The following L3MBTL4 variants were observed in gnomAD, a reference collection of about 807,000 sequenced individuals.
L3MBTL4 encodes the protein L3MBTL histone methyl-lysine binding protein 4, also known as lethal(3)malignant brain tumor-like protein 4.
A neutral mutation model predicts 84.5 loss-of-function variants in L3MBTL4; 70 were observed. That is an observed-to-expected ratio of 0.83 (90% CI 0.68 to 1.01). The LOEUF (loss-of-function observed/expected upper bound fraction) is 1.01, where lower values mean the gene tolerates loss of function less well. L3MBTL4 is among the 50% of genes least tolerant of loss of function. L3MBTL4 has a pLI of 0.00. For synonymous variants in L3MBTL4, 274 were observed against 259.8 expected, an observed-to-expected ratio of 1.05 and a Z score of -0.52; for missense variants, 715 against 754.8, an observed-to-expected ratio of 0.95 and a Z score of 0.62.
chr18:6,186,585 G>A (rs1455156915), intron 12 of L3MBTL4, among the ~76,000 whole-genome samples: 1 of 152,200 alleles, frequency 6.6e-6, no homozygotes, highest in African/African-American at 2.4e-5. Flanking sequence ...AAGCAGGAGG[G>A]AGGAGAACCG....
At chr18:5,963,654 T>A (rs1422607668) in intron 17 of L3MBTL4, among the ~76,000 whole-genome samples, 3 of 152,264 alleles carry the variant, frequency 2.0e-5, no homozygotes, top group African/African-American at 4.8e-5. Flanking sequence ...CCAAGAATTT[T>A]AAAATATGCA....
intron 18 of L3MBTL4, 61 bp from the exon 19 acceptor site, chr18:5,956,448 C>G: frequency 6.6e-7 from 1 of 1,523,018 alleles, no homozygotes; most frequent in African/African-American, 1.4e-5. Context: ...GTTTACTCAC[C>G]AGTAACACTT....
intron 1 of L3MBTL4, among the ~76,000 whole-genome samples, chr18:6,343,035 A>T (rs2052687388): frequency 6.6e-6 from 1 of 152,232 alleles, no homozygotes; most frequent in Non-Finnish European, 1.5e-5. Context: ...CATCAAGAGG[A>T]TATAACAATT....
chr18:6,106,179 C>T (rs948850922), intron 14 of L3MBTL4, among the ~76,000 whole-genome samples: 1 of 152,158 alleles, frequency 6.6e-6, no homozygotes, highest in Non-Finnish European at 1.5e-5. Context: ...CAGCTTGATG[C>T]CAGGGTCTAG....
chr18:6,256,570 G>A (rs1698119355), intron 5 of L3MBTL4, among the ~76,000 whole-genome samples: 1 of 151,458 alleles, frequency 6.6e-6, no homozygotes, highest in South Asian at 2.1e-4. Context: ...TAGCTATGAA[G>A]AGGGGAAGGA....
intron 5 of L3MBTL4, among the ~76,000 whole-genome samples, chr18:6,245,035 G>A (rs896942043): frequency 2.6e-5 from 4 of 151,896 alleles, no homozygotes; most frequent in Admixed American, 6.6e-5. Context: ...TCAGCCTCCC[G>A]AATAGCTAGG....
At position 6,414,887 on chromosome 18, in the gene L3MBTL4, G is replaced by T. The variant is rs1267003456; in HGVS notation, c.-177C>A. On this transcript the variant is annotated 5_prime_UTR_variant, in exon 1 of 19. Coordinates refer to ENST00000317931, the MANE Select transcript of L3MBTL4 (RefSeq NM_001330559.2). This position sits in a 1 kb window ranked among gnomAD's most constrained non-coding sequence, Gnocchi z 5.4. The stretch of plus-strand genomic sequence containing the variant: ...GCGCGAGGTTCCGCCAGCCCAGGCT[G>T]CGGCGCCGCTGCCCCGCGGTGCCCG... 1 of 149,516 alleles carries T rather than the reference G, an allele frequency of 6.7e-6. No individual in the cohort carries two copies. Among genetic ancestry groups the T allele is most frequent in the East Asian group, 2.0e-4 (1 of 5,092 alleles). 9.3% of individuals were successfully genotyped at this position (149,516 alleles called of 1,614,324 possible).
rs562264059 is a variant in L3MBTL4 at position 6,168,714 on chromosome 18, C to T, written c.1096+3114G>A. ...AAGACTTACATGTTAGACCTAAAAC[C>T]ATAAAAACCCTAGAAGAAAACCTAG... is the stretch of plus-strand genomic sequence containing the variant. On this transcript the variant is annotated intron_variant, in intron 13 of 18. Transcript: ENST00000317931. 2.0e-5 allele frequency among the ~76,000 whole-genome samples: 3 copies of T among 152,066 alleles called. No homozygotes were observed. In the East Asian group the frequency reaches 5.8e-4, roughly 29 times the overall value.
intron 1 of L3MBTL4, among the ~76,000 whole-genome samples, chr18:6,392,087 C>T (rs2055078779): frequency 6.6e-6 from 1 of 152,088 alleles, no homozygotes; most frequent in African/African-American, 2.4e-5. Context: ...CATCACATTA[C>T]CAGACTTCAA....
chr18:6,364,274 A>G (rs1196994342), intron 1 of L3MBTL4, among the ~76,000 whole-genome samples: 3 of 152,124 alleles, frequency 2.0e-5, no homozygotes, highest in African/African-American at 7.2e-5. Flanking sequence ...TTAAAATATT[A>G]TTTATGTTAA....
intron 16 of L3MBTL4, among the ~76,000 whole-genome samples, chr18:6,068,093 G>A (rs1274973166): frequency 6.6e-6 from 1 of 152,086 alleles, no homozygotes; most frequent in African/African-American, 2.4e-5. Context: ...GAGTTTTTGT[G>A]CGCTGGCTTT....
chr18:6,410,936 G>A (rs780133274), intron 1 of L3MBTL4, among the ~76,000 whole-genome samples: 17 of 152,136 alleles, frequency 1.1e-4, no homozygotes, highest in African/African-American at 3.6e-4. Context: ...CCTCCATTAC[G>A]GCGACATCAT....
intron 4 of L3MBTL4, 113 bp downstream of exon 4, chr18:6,301,790 T>C: frequency 1.2e-6 from 1 of 816,224 alleles, no homozygotes; most frequent in Non-Finnish European, 2.2e-6. Context: ...AAATGGTAGA[T>C]ATTATTATCA....
chr18:6,327,752 C>T lies in L3MBTL4; in HGVS notation c.-90-15696G>A, dbSNP rs564654168. Among the ~76,000 whole-genome samples the T allele has an allele frequency of 4.5e-4, 68 of 152,242 alleles. 1 individual carries two copies. Among genetic ancestry groups the T allele is most frequent in the African/African-American group, 1.6e-3 (67 of 41,536 alleles). ...GAGATTAGTAAATCTGGACAGCCAG[C>T]GTAGAGTTGTTCATTTTCTTATTCT... On this transcript the variant is annotated intron_variant, in intron 1 of 18. Coordinates refer to ENST00000317931, the MANE Select transcript of L3MBTL4 (RefSeq NM_001330559.2).
intron 16 of L3MBTL4, among the ~76,000 whole-genome samples, chr18:5,977,134 C>T (rs2144927373): frequency 6.6e-6 from 1 of 152,318 alleles, no homozygotes; most frequent in Non-Finnish European, 1.5e-5. Context: ...AGTGGTCCCT[C>T]TGCACTCAGG....
At chr18:6,112,405 C>A (rs1397996629) in intron 14 of L3MBTL4, among the ~76,000 whole-genome samples, 1 of 152,144 alleles carries the variant, frequency 6.6e-6, no homozygotes, top group Non-Finnish European at 1.5e-5. Context: ...ACTGGGAAAG[C>A]GGATAAGCAT....
intron 13 of L3MBTL4, among the ~76,000 whole-genome samples, chr18:6,157,276 C>G (rs1301154224): frequency 6.6e-6 from 1 of 152,138 alleles, no homozygotes; most frequent in Admixed American, 6.5e-5. Context: ...CTCTTTAAAA[C>G]AGAATGAAAT....
At chr18:6,071,718 AAAGAAAGAAG>A (rs2057622322) in intron 16 of L3MBTL4, among the ~76,000 whole-genome samples, 1 of 129,286 alleles carries the variant, frequency 7.7e-6, no homozygotes, top group East Asian at 2.8e-4. Flanking sequence ...AGAAAGAAGG[AAAGAAAGAAG>A]GAAAGAAAGA....
At chr18:6,112,356 A>G (rs1418242491) in intron 14 of L3MBTL4, among the ~76,000 whole-genome samples, 1 of 152,180 alleles carries the variant, frequency 6.6e-6, no homozygotes, top group East Asian at 1.9e-4. Context: ...CTTCCAGTGA[A>G]ATCTCTCCCT....
Sources: allele counts gnomAD v4.1 joint callset (sites outside exome capture counted in the v4.1 genomes callset), GRCh38; gene constraint gnomAD v4.1.1; non-coding constraint Gnocchi (gnomAD v3.1); transcripts MANE v1.5; gene names NCBI Gene and HGNC (gene_info 2026-07-23, HGNC 2026-07-21).